Variants in ALMS1 observed in about 807,000 individuals in gnomAD.
ALMS1 encodes centrosome-associated protein ALMS1.
A neutral mutation model predicts 352.2 loss-of-function variants in ALMS1; 271 were observed. The ratio of observed to expected loss-of-function variants is 0.77; its 90% CI spans 0.70 to 0.85. The LOEUF is 0.85. Among genes scored for constraint, ALMS1 ranks in the 40% least tolerant of loss-of-function variants. The pLI is 0.00. For missense variants in ALMS1, 5,445 were observed against 4,870.7 expected, an observed-to-expected ratio of 1.12 and a Z score of -3.51; for synonymous variants, 1,865 against 1,761.2, an observed-to-expected ratio of 1.06 and a Z score of -1.48.
chr2:73,582,350 G>A (rs2054795717), intron 16 of ALMS1, among the ~76,000 whole-genome samples: 1 of 152,090 alleles, frequency 6.6e-6, no homozygotes, highest in South Asian at 2.1e-4. Flanking sequence ...TTCAAAGTAA[G>A]GAGAGGGGTG....
At chr2:73,577,508 T>C (rs1675079113) in intron 16 of ALMS1, among the ~76,000 whole-genome samples, 1 of 152,072 alleles carries the variant, frequency 6.6e-6, no homozygotes, top group Non-Finnish European at 1.5e-5. Context: ...CAAAGTTAGG[T>C]TATTCATTTG....
chr2:73,415,698 A>G (rs964919235), intron 2 of ALMS1, among the ~76,000 whole-genome samples: 2 of 152,184 alleles, frequency 1.3e-5, no homozygotes, highest in African/African-American at 4.8e-5. Flanking sequence ...CATCAATTTA[A>G]AGAAAAGCCA....
At chr2:73,469,534 C>A (rs531775179) in intron 9 of ALMS1, 6 of 151,744 alleles carry the variant, frequency 4.0e-5, no homozygotes, top group Non-Finnish European at 8.8e-5. Flanking sequence ...GACTGATTTT[C>A]TTAGATAATA....
At chr2:73,609,440 G>A (rs1295663580) in intron 22 of ALMS1, 128 bp from the exon 23 acceptor site, 1 of 888,220 alleles carries the variant, frequency 1.1e-6, no homozygotes, top group Non-Finnish European at 1.9e-6. Context: ...CTGAAGCAGA[G>A]TAAAATGAAC....
At chr2:73,585,302 A>G (rs934491235) in intron 16 of ALMS1, among the ~76,000 whole-genome samples, 2 of 143,986 alleles carry the variant, frequency 1.4e-5, no homozygotes, top group Non-Finnish European at 3.1e-5. Context: ...TTTATTTTTT[A>G]TTTTTTTATT....
At chr2:73,570,085 G>A (rs759822936) in intron 15 of ALMS1, among the ~76,000 whole-genome samples, 19 of 152,182 alleles carry the variant, frequency 1.2e-4, no homozygotes, top group Non-Finnish European at 2.6e-4. Flanking sequence ...ATTAATGACA[G>A]GAACAGGAAG....
At chr2:73,547,578 A>G (rs191135027) in intron 12 of ALMS1, among the ~76,000 whole-genome samples, 3 of 152,328 alleles carry the variant, frequency 2.0e-5, no homozygotes, top group Admixed American at 2.0e-4. Flanking sequence ...GGACTCCCAT[A>G]AATTTTATTT....
chr2:73,543,646 C>T (rs1259394180), intron 12 of ALMS1, among the ~76,000 whole-genome samples: 1 of 152,118 alleles, frequency 6.6e-6, no homozygotes, highest in East Asian at 1.9e-4. Context: ...CCAGAATCTA[C>T]AATGAACTCC....
chr2:73,425,723 A>G (rs1157299850), intron 5 of ALMS1, among the ~76,000 whole-genome samples: 1 of 152,178 alleles, frequency 6.6e-6, no homozygotes, highest in African/African-American at 2.4e-5. Flanking sequence ...TTAAATTATA[A>G]TGATGAAACC....
intron 9 of ALMS1, among the ~76,000 whole-genome samples, chr2:73,464,804 A>T (rs1434659743): frequency 1.3e-5 from 2 of 152,238 alleles, no homozygotes; most frequent in African/African-American, 4.8e-5. Flanking sequence ...CACCAACAGC[A>T]GACAAAGAGC....
At chr2:73,406,900 C>T (rs916353089) in intron 1 of ALMS1, among the ~76,000 whole-genome samples, 3 of 152,210 alleles carry the variant, frequency 2.0e-5, no homozygotes, top group African/African-American at 7.2e-5. Context: ...TGCTGGATTA[C>T]AGGCATGAGC....
At chr2:73,548,574 TG>T (rs1379131771) in intron 12 of ALMS1, among the ~76,000 whole-genome samples, 3 of 152,240 alleles carry the variant, frequency 2.0e-5, no homozygotes, top group African/African-American at 7.2e-5. Flanking sequence ...ATGCTGCTGC[TG>T]GTGTGTACTC....
intron 1 of ALMS1, among the ~76,000 whole-genome samples, chr2:73,387,912 C>CA (rs1406129136): frequency 2.0e-5 from 3 of 152,206 alleles, no homozygotes; most frequent in African/African-American, 4.8e-5. Context: ...ATTTAAGAGG[C>CA]AAAATCATCA....
At chr2:73,577,342 A>G (rs1265992927) in intron 16 of ALMS1, among the ~76,000 whole-genome samples, 1 of 151,436 alleles carries the variant, frequency 6.6e-6, no homozygotes, top group Non-Finnish European at 1.5e-5. Flanking sequence ...GTCTATTTAG[A>G]TTTTGTTTCT....
intron 7 of ALMS1, among the ~76,000 whole-genome samples, chr2:73,441,643 A>G (rs1054471135): frequency 6.6e-6 from 1 of 151,548 alleles, no homozygotes; most frequent in African/African-American, 2.4e-5. Context: ...TTCTGGTCTT[A>G]GTTCCACACT....
intron 1 of ALMS1, among the ~76,000 whole-genome samples, chr2:73,392,787 T>A (rs1349635637): frequency 6.6e-6 from 1 of 152,210 alleles, no homozygotes; most frequent in Non-Finnish European, 1.5e-5. Flanking sequence ...TTGGCTATTA[T>A]GTATAATGCT....
intron 10 of ALMS1, among the ~76,000 whole-genome samples, chr2:73,510,006 T>C (rs937267560): frequency 2.0e-5 from 3 of 152,190 alleles, no homozygotes; most frequent in Middle Eastern, 3.2e-3. Context: ...ACTTGGTCGA[T>C]TCAGCTATTG....
rs1054040147 is a variant in ALMS1, at chr2:73,385,937, G to A, written c.69G>A (p.Glu23=). 10 of 1,000,622 alleles carry A rather than the reference G, an allele frequency of 1.0e-5. No individual in the cohort carries two copies. The highest frequency in any genetic ancestry group is 2.1e-5 in the African/African-American group (1 of 47,462). 62.0% of individuals were successfully genotyped at this position (1,000,622 alleles called of 1,614,324 possible). A position where few individuals can be genotyped will look rare whatever the true frequency, so the allele number is the denominator to read the frequency against. ...AGGAGGAGGAGGAGGAGGAGGAGGA[G>A]GAGGAAGAGGAGGAGGCTGCAGCGG... ...EEEEEEEEEE[E]EEEEEAAAAA... is the part of the protein sequence containing the mutation. The change falls in exon 1 of 23, where the codon GAG becomes GAA. Residue 23 remains glutamate, a synonymous_variant. Transcript: ENST00000613296.
At chr2:73,455,835 T>C (rs999792189) in intron 9 of ALMS1, among the ~76,000 whole-genome samples, 1 of 151,780 alleles carries the variant, frequency 6.6e-6, no homozygotes. Context: ...ATTTGCTTGT[T>C]TTATCAATTT....
Sources: allele counts gnomAD v4.1 joint callset (sites outside exome capture counted in the v4.1 genomes callset), GRCh38; gene constraint gnomAD v4.1.1; transcripts MANE v1.5; gene names NCBI Gene and HGNC (gene_info 2026-07-23, HGNC 2026-07-21).